CTNND2: variants seen among roughly 807,000 people sequenced by gnomAD.
CTNND2 encodes the protein catenin delta 2.
In CTNND2, 22 loss-of-function variants were observed where a neutral mutation model predicts 144.4. The ratio of observed to expected loss-of-function variants is 0.15; its 90% CI spans 0.11 to 0.22. The LOEUF is 0.22. Among genes scored for constraint, CTNND2 ranks in the 10% least tolerant of loss-of-function variants. The probability of loss-of-function intolerance (pLI) is 1.00; values close to 1 mark genes in which losing one functional copy is unlikely to be tolerated. For synonymous variants in CTNND2, 751 were observed against 695.6 expected, an observed-to-expected ratio of 1.08 and a Z score of -1.25; for missense variants, 1,353 against 1,618.8, an observed-to-expected ratio of 0.84 and a Z score of 2.82.
chr5:11,736,288 T>A (rs1294735609), intron 1 of CTNND2, among the ~76,000 whole-genome samples: 1 of 152,220 alleles, frequency 6.6e-6, no homozygotes, highest in East Asian at 1.9e-4. Context: ...TTGACAAGTG[T>A]GACCCACACA....
intron 2 of CTNND2, among the ~76,000 whole-genome samples, chr5:11,661,216 T>C (rs1783185890): frequency 6.6e-6 from 1 of 152,128 alleles, no homozygotes; most frequent in South Asian, 2.1e-4. Flanking sequence ...CTAATTAGGT[T>C]TCAGGAAAAT....
At chr5:11,743,263 CAA>C (rs1046471246) in intron 1 of CTNND2, among the ~76,000 whole-genome samples, 12 of 152,032 alleles carry the variant, frequency 7.9e-5, no homozygotes, top group African/African-American at 2.9e-4. Context: ...GAGCATGTAA[CAA>C]AAATATAATG....
chr5:11,102,632 T>C (rs1203494917), intron 14 of CTNND2, among the ~76,000 whole-genome samples: 1 of 152,238 alleles, frequency 6.6e-6, no homozygotes, highest in Non-Finnish European at 1.5e-5. Context: ...GTTTCTGTCA[T>C]TCCATTTCTA....
At position 11,874,660 on chromosome 5, in the gene CTNND2, G is replaced by C. The variant is rs143474300; in HGVS notation, c.37+29157C>G. 1.0e-2 allele frequency among the ~76,000 whole-genome samples: 1,520 copies of C among 152,256 alleles called. 35 individuals carry two copies. The highest frequency in any genetic ancestry group is 0.034 in the African/African-American group (1,429 of 41,548). Reference sequence around the variant, plus strand: ...ATCCTAGGTGGGAAGGAATGGGACAGCGAGATTTCAGCATACTACTCAGAA... The same window carrying C: ...ATCCTAGGTGGGAAGGAATGGGACACCGAGATTTCAGCATACTACTCAGAA... On this transcript the variant is annotated intron_variant, in intron 1 of 21. Transcript: ENST00000304623.
chr5:11,431,081 C>T (rs956973976), intron 3 of CTNND2, among the ~76,000 whole-genome samples: 16 of 152,110 alleles, frequency 1.1e-4, no homozygotes, highest in East Asian at 1.9e-4. Flanking sequence ...TAAATCATAT[C>T]GGGCAGCTAT....
At position 11,194,534 on chromosome 5, in the gene CTNND2, C is replaced by T. The variant is rs112823029; in HGVS notation, c.1975+4914G>A. ...AAAGACTCCCCACTACAACAGTTCCCTCCCACCCATTCGCCCTGAAGTGAA... is the reference window on the plus strand; with the variant it reads ...AAAGACTCCCCACTACAACAGTTCCTTCCCACCCATTCGCCCTGAAGTGAA... On this transcript the variant is annotated intron_variant, in intron 11 of 21. Coordinates refer to ENST00000304623, the MANE Select transcript of CTNND2 (RefSeq NM_001332.4). Among the ~76,000 whole-genome samples, 837 of 152,300 alleles carry T rather than the reference C, an allele frequency of 5.5e-3. 13 individuals are homozygous for T. Among genetic ancestry groups the T allele is most frequent in the African/African-American group, 0.019 (791 of 41,568 alleles).
At chr5:11,436,953 C>A (rs557089298) in intron 3 of CTNND2, among the ~76,000 whole-genome samples, 1 of 152,112 alleles carries the variant, frequency 6.6e-6, no homozygotes, top group Non-Finnish European at 1.5e-5. Context: ...CCAACCTAAT[C>A]CACTAAATCT....
chr5:11,288,430 T>C (rs892364548), intron 9 of CTNND2, among the ~76,000 whole-genome samples: 5 of 152,162 alleles, frequency 3.3e-5, no homozygotes, highest in Non-Finnish European at 1.5e-5. Flanking sequence ...TTACTTGTAA[T>C]GTAAATCAGT....
intron 1 of CTNND2, among the ~76,000 whole-genome samples, chr5:11,852,331 T>C (rs2127006826): frequency 6.6e-6 from 1 of 152,330 alleles, no homozygotes; most frequent in Middle Eastern, 3.4e-3. Flanking sequence ...CAATCCTTGC[T>C]TAATTAATTA....
chr5:11,538,639 A>G (rs191304488), intron 3 of CTNND2, among the ~76,000 whole-genome samples: 1 of 152,308 alleles, frequency 6.6e-6, no homozygotes, highest in East Asian at 1.9e-4. Flanking sequence ...TATTCTATAT[A>G]TTCCATCATT....
chr5:11,693,352 C>T (rs763555822), intron 2 of CTNND2, among the ~76,000 whole-genome samples: 8 of 152,200 alleles, frequency 5.3e-5, no homozygotes, highest in East Asian at 1.9e-4. Context: ...TGGACAGATA[C>T]GCAGACTTTA....
chr5:11,298,706 T>G (rs1010870916), intron 9 of CTNND2, among the ~76,000 whole-genome samples: 1 of 152,208 alleles, frequency 6.6e-6, no homozygotes, highest in Non-Finnish European at 1.5e-5. Flanking sequence ...ATGCACTGCC[T>G]GTATAGAAAT....
intron 7 of CTNND2, among the ~76,000 whole-genome samples, chr5:11,368,705 T>A (rs2149778134): frequency 6.6e-6 from 1 of 152,322 alleles, no homozygotes. Flanking sequence ...TTTCCTGCTG[T>A]TTCTTGTGTC....
intron 1 of CTNND2, among the ~76,000 whole-genome samples, chr5:11,852,812 A>G (rs1041715909): frequency 3.3e-5 from 5 of 152,214 alleles, no homozygotes; most frequent in African/African-American, 1.2e-4. Flanking sequence ...TATTCAGCAA[A>G]AAGAAAAGAG....
intron 1 of CTNND2, among the ~76,000 whole-genome samples, chr5:11,867,953 A>G (rs1039635473): frequency 1.3e-5 from 2 of 151,266 alleles, no homozygotes; most frequent in Non-Finnish European, 2.9e-5. Context: ...TTTCCCAATT[A>G]TCATGGAGCT....
chr5:11,541,936 T>A (rs1190982814), intron 3 of CTNND2, among the ~76,000 whole-genome samples: 1 of 150,326 alleles, frequency 6.7e-6, no homozygotes, highest in Non-Finnish European at 1.5e-5. Flanking sequence ...GTTTTCATAC[T>A]GTGGCCTTTG....
chr5:11,881,541 TCTATGC>T (rs1165479774), intron 1 of CTNND2, among the ~76,000 whole-genome samples: 2 of 152,020 alleles, frequency 1.3e-5, no homozygotes, highest in Non-Finnish European at 2.9e-5. Flanking sequence ...TGTTTGTATT[TCTATGC>T]CTGGCTTATT....
Position 10,988,175 on chromosome 5 carries a change from G to A in CTNND2, c.3279C>T (p.Thr1093=), listed in dbSNP as rs374599679. Residue 1093 remains threonine, a synonymous_variant, in exon 20 of 22, where the codon ACC becomes ACT. Coordinates refer to ENST00000304623, the MANE Select transcript of CTNND2 (RefSeq NM_001332.4). The surrounding 1 kb of genome is among the most constrained non-coding windows in gnomAD (Gnocchi z 5.9). The part of the protein sequence containing the change: ...LKERKTDYEC[T]GSNATYHGAK... ...CTCCGTGGTAGGTGGCGTTGCTGCC[G>A]GTGCACTCGTAGTCTGTTTTCCTTT... is the stretch of plus-strand genomic sequence containing the variant. 35 of 1,614,040 alleles carry A rather than the reference G, an allele frequency of 2.2e-5. No homozygotes were observed. Among genetic ancestry groups the A allele is most frequent in the South Asian group, 7.7e-5 (7 of 91,078 alleles).
intron 20 of CTNND2, among the ~76,000 whole-genome samples, chr5:10,983,099 G>A (rs893119746): frequency 6.6e-6 from 1 of 151,120 alleles, no homozygotes; most frequent in African/African-American, 2.4e-5. Context: ...GCACCATAGG[G>A]CAACCATAAT....
Sources: allele counts gnomAD v4.1 joint callset (sites outside exome capture counted in the v4.1 genomes callset), GRCh38; gene constraint gnomAD v4.1.1; non-coding constraint Gnocchi (gnomAD v3.1); transcripts MANE v1.5; gene names NCBI Gene and HGNC (gene_info 2026-07-23, HGNC 2026-07-21).